The following TJP1 variants were observed in gnomAD, a reference collection of about 807,000 sequenced individuals.
TJP1 encodes tight junction protein ZO-1.
In TJP1, 43 loss-of-function variants were observed where a neutral mutation model predicts 194.2. The observed-to-expected ratio is 0.22, with a 90% CI of 0.17 to 0.29. The LOEUF (loss-of-function observed/expected upper bound fraction) is 0.29, where lower values mean the gene tolerates loss of function less well. Ranked by LOEUF, TJP1 falls within the 10% of genes least tolerant of loss-of-function variation. TJP1 has a pLI of 1.00. For missense variants in TJP1, 1,971 were observed against 2,185.7 expected (o/e 0.90, Z 1.96); for synonymous variants, 801 against 779.0 (o/e 1.03, Z -0.47).
intron 1 of TJP1, among the ~76,000 whole-genome samples, chr15:29,806,833 T>C (rs897042565): frequency 6.6e-6 from 1 of 152,166 alleles, no homozygotes; most frequent in Non-Finnish European, 1.5e-5. Context: ...ATATGTATAT[T>C]TGGACTGATC....
intron 2 of TJP1, among the ~76,000 whole-genome samples, chr15:29,949,923 T>TCACCACCACCACCACCTACACAAC (rs2055596861): frequency 2.2e-4 from 1 of 4,480 alleles, no homozygotes; most frequent in Admixed American, 2.4e-3. Context: ...ACCTCCACCT[T>TCACCACCACCACCACCTACACAAC]CACCACCACC....
intron 2 of TJP1, among the ~76,000 whole-genome samples, chr15:29,834,261 T>C (rs1326018712): frequency 1.4e-5 from 2 of 143,312 alleles, no homozygotes; most frequent in Non-Finnish European, 3.1e-5. Flanking sequence ...CTCACTCTTT[T>C]GCCAGGCTGG....
At chr15:29,760,139 T>C (rs2045908168) in intron 8 of TJP1, 1 of 688,576 alleles carries the variant, frequency 1.5e-6, no homozygotes, top group African/African-American at 1.8e-5. Flanking sequence ...TGGACTCATG[T>C]TTCAAGTGAT....
intron 25 of TJP1, among the ~76,000 whole-genome samples, chr15:29,706,898 G>A (rs889348564): frequency 4.0e-5 from 6 of 151,892 alleles, no homozygotes; most frequent in Non-Finnish European, 5.9e-5. Context: ...CCAGTGATCC[G>A]CCCGCCTCAA....
intron 2 of TJP1, among the ~76,000 whole-genome samples, chr15:29,779,881 G>A (rs978907929): frequency 2.6e-5 from 4 of 151,912 alleles, no homozygotes; most frequent in East Asian, 1.9e-4. Flanking sequence ...AAAATGCAAC[G>A]AGGAGGGGAT....
intron 2 of TJP1, among the ~76,000 whole-genome samples, chr15:29,833,923 C>G (rs1470430762): frequency 9.4e-5 from 7 of 74,126 alleles, no homozygotes; most frequent in Admixed American, 1.9e-4. Context: ...TTGCTCTGTC[C>G]CCAGGCTGGA....
intron 8 of TJP1, chr15:29,743,041 A>G: frequency 3.7e-6 from 1 of 267,828 alleles, no homozygotes; most frequent in Non-Finnish European, 6.9e-6. Flanking sequence ...ATTCCAAACA[A>G]AACTGTTGGA....
intron 2 of TJP1, among the ~76,000 whole-genome samples, chr15:29,916,669 C>T (rs1026832028): frequency 9.9e-5 from 15 of 152,260 alleles, no homozygotes; most frequent in Non-Finnish European, 2.2e-4. Context: ...ACAACCTGAC[C>T]TACTTGTTCT....
In TJP1 at chr15:29,742,061, AAAC is replaced by A. The variant is rs141047819; in HGVS notation, c.1150+578_1150+580del. Among the ~76,000 whole-genome samples, 20 of 152,088 alleles carry A rather than the reference AAAC, an allele frequency of 1.3e-4. No individual in the cohort carries two copies. In the South Asian group the frequency reaches 3.5e-3, roughly 27 times the overall value. The stretch of plus-strand genomic sequence containing the variant: ...AACAAAGCAAGATTCCATCTCTCCA[AAAC>A]AACAACAAAAAACAAAGAAAACCCA... On this transcript the variant is annotated intron_variant, in intron 9 of 27. Coordinates refer to ENST00000614355, the MANE Select transcript of TJP1 (RefSeq NM_001330239.4).
rs1276044343 is a variant in TJP1, at chr15:29,726,845, T to C, written c.2247A>G (p.Lys749=). 2.5e-6 allele frequency: 4 copies of C among 1,614,064 alleles called. No individual in the cohort carries two copies. The African/African-American group carries it at 5.3e-5, about 22-fold the overall frequency. Residue 749 remains lysine, a synonymous_variant, in exon 17 of 28, where the codon AAA becomes AAG. Transcript: ENST00000614355. ...ATCGCTCGTATAACTTCCTGGCACT[T>C]TTCCGAGATTCTGGACATAACCTCA... The part of the protein sequence containing the change: ...MRMRLCPESR[K]SARKLYERSH...
At chr15:29,794,593 G>A (rs1469245074) in intron 2 of TJP1, among the ~76,000 whole-genome samples, 6 of 152,134 alleles carry the variant, frequency 3.9e-5, no homozygotes, top group Admixed American at 3.9e-4. Flanking sequence ...GAGCTAATGA[G>A]ACACAGGTCT....
upstream of TJP1, chr15:29,822,525 A>ACGAGG (rs1048284529): frequency 3.2e-3 from 3,109 of 975,972 alleles, 10 homozygotes; most frequent in East Asian, 0.022. Context: ...GCGGGGCTGG[A>ACGAGG]CGAGGCGAGG....
intron 2 of TJP1, among the ~76,000 whole-genome samples, chr15:29,942,120 A>G (rs370312633): frequency 2.6e-5 from 4 of 152,244 alleles, no homozygotes; most frequent in Non-Finnish European, 5.9e-5. Flanking sequence ...CTTCTTTGAA[A>G]TAACATTTTC....
chr15:29,941,409 G>C (rs538555466), intron 2 of TJP1, among the ~76,000 whole-genome samples: 1 of 152,240 alleles, frequency 6.6e-6, no homozygotes, highest in Non-Finnish European at 1.5e-5. Context: ...AAAATGGTCT[G>C]TGCTCCTCAC....
At position 29,704,480 on chromosome 15, in the gene TJP1, C is replaced by T. The variant is rs183325366; in HGVS notation, c.5069-175G>A. On this transcript the variant is annotated intron_variant, in intron 26 of 27. Coordinates refer to ENST00000614355, the MANE Select transcript of TJP1 (RefSeq NM_001330239.4). ...CAGCCACATATGGAATCTTAAATTT[C>T]CCAGTAGCCACGTTAGAAAGTAAAA... Among the ~76,000 whole-genome samples the T allele has an allele frequency of 1.8e-3, 277 of 152,324 alleles. 1 individual carries two copies. The highest frequency in any genetic ancestry group is 6.8e-3 in the Middle Eastern group (2 of 294).
intron 2 of TJP1, among the ~76,000 whole-genome samples, chr15:29,833,881 A>ATATATATATATATATTTTTTTT (rs1555434000): frequency 1.6e-4 from 2 of 12,614 alleles, no homozygotes; most frequent in African/African-American, 6.0e-4. Context: ...ATATATATAT[A>ATATATATATATATATTTTTTTT]TTTTTTTTTT....
At chr15:29,839,052 G>A (rs1263662345) in intron 2 of TJP1, among the ~76,000 whole-genome samples, 1 of 125,722 alleles carries the variant, frequency 8.0e-6, no homozygotes, top group African/African-American at 3.0e-5. Context: ...AGGCTGGAGT[G>A]CAGTGGTGCC....
Position 29,718,976 on chromosome 15 carries a change from G to C in TJP1, c.3166C>G (p.Gln1056Glu). 2 of 1,614,172 alleles carry C rather than the reference G, an allele frequency of 1.2e-6. No individual in the cohort carries two copies. Among genetic ancestry groups the C allele is most frequent in the Non-Finnish European group, 1.7e-6 (2 of 1,180,026 alleles). ...GAGGACTCGTATCTGTATGTGGGCTGCTCGAGGTCTCTGCTGGCTTGTTTC... is the reference window on the plus strand; with the variant it reads ...GAGGACTCGTATCTGTATGTGGGCTCCTCGAGGTCTCTGCTGGCTTGTTTC... ...VEKQASRDLE[Q>E]PTYRYESSSY... is the part of the protein sequence containing the mutation. Residue 1056 changes from glutamine (Q) to glutamate (E), a missense_variant, in exon 21 of 28, where the codon CAG (glutamine) becomes GAG (glutamate). By Grantham distance (29) the Gln-to-Glu change is conservative. Transcript: ENST00000614355.
At chr15:29,959,232 G>A (rs767782282) in intron 1 of TJP1, among the ~76,000 whole-genome samples, 11 of 151,094 alleles carry the variant, frequency 7.3e-5, no homozygotes, top group Non-Finnish European at 1.2e-4. Context: ...CTCGTGATCT[G>A]CCCACCATCA....
Sources: allele counts gnomAD v4.1 joint callset (sites outside exome capture counted in the v4.1 genomes callset), GRCh38; gene constraint gnomAD v4.1.1; transcripts MANE v1.5; gene names NCBI Gene and HGNC (gene_info 2026-07-23, HGNC 2026-07-21).